The following ADAMTS16 variants were observed in gnomAD, a reference collection of about 807,000 sequenced individuals.
ADAMTS16 encodes the protein ADAM metallopeptidase with thrombospondin type 1 motif 16, also known as A disintegrin and metalloproteinase with thrombospondin motifs 16.
ADAMTS16 carries 94 observed loss-of-function variants against 145.8 expected under a neutral mutation model. The ratio of observed to expected loss-of-function variants is 0.64; its 90% CI spans 0.55 to 0.77. The LOEUF is 0.77. Ranked by LOEUF, ADAMTS16 falls within the 30% of genes least tolerant of loss-of-function variation. ADAMTS16 has a pLI of 0.00. For synonymous variants in ADAMTS16, 659 were observed against 604.3 expected, an observed-to-expected ratio of 1.09 and a Z score of -1.33; for missense variants, 1,585 against 1,591.5, an observed-to-expected ratio of 1.00 and a Z score of 0.07.
In ADAMTS16 at chr5:5,306,433, A is replaced by G. The variant is rs1327087020; in HGVS notation, c.3187-71A>G. On this transcript the variant is annotated intron_variant, in intron 20 of 22. Transcript: ENST00000274181. ...ATAAATGTTCAAGCAGATATCTCTG[A>G]TATTTTAACCCACAGATTTTGCAAA... 3.0e-6 allele frequency: 4 copies of G among 1,340,372 alleles called. No individual in the cohort carries two copies. The African/African-American group carries it at 5.8e-5, about 20-fold the overall frequency. The allele number at this position is 1,340,372 out of a possible 1,614,324, so 83.0% of individuals were successfully genotyped here.
chr5:5,305,063 CCACA>C lies in ADAMTS16; in HGVS notation c.3186+1312_3186+1315del, dbSNP rs746089868. Among the ~76,000 whole-genome samples, 486 of 51,232 alleles carry C rather than the reference CCACA, an allele frequency of 9.5e-3. 28 individuals are homozygous for C. The highest frequency in any genetic ancestry group is 0.035 in the African/African-American group (465 of 13,316). 33.6% of individuals were successfully genotyped at this position (51,232 alleles called of 152,430 possible). A position where few individuals can be genotyped will look rare whatever the true frequency, so the allele number is the denominator to read the frequency against. ...CCACACCACACACACACATCCCACA[CCACA>C]CACACACACACACATCCCACACCAC... On this transcript the variant is annotated intron_variant, in intron 20 of 22. Transcript: ENST00000274181.
At position 5,190,008 on chromosome 5, in the gene ADAMTS16, T is replaced by G; in HGVS notation, c.1085T>G (p.Leu362Ter). Residue 362 changes from leucine (L) to a stop codon, truncating the protein, a stop_gained, in exon 7 of 23, where the codon TTA becomes TGA. Coordinates refer to ENST00000274181, the MANE Select transcript of ADAMTS16 (RefSeq NM_139056.4). LOFTEE classifies it high-confidence loss of function. ...LVISHHADHT[L>*]SSFCQWQSGL... is the part of the protein sequence containing the mutation. Reference sequence around the variant, plus strand: ...ATAAGTCACCACGCAGACCACACCTTAAGTAGCTTCTGCCAGTGGCAGTCT... The same window carrying G: ...ATAAGTCACCACGCAGACCACACCTGAAGTAGCTTCTGCCAGTGGCAGTCT... 2 of 1,612,586 alleles carry G rather than the reference T, an allele frequency of 1.2e-6. No homozygotes were observed. Among genetic ancestry groups the G allele is most frequent in the Non-Finnish European group, 1.7e-6 (2 of 1,179,404 alleles).
intron 21 of ADAMTS16, 103 bp from the exon 22 acceptor site, chr5:5,318,031 A>C (rs1734123795): frequency 1.3e-5 from 16 of 1,231,708 alleles, no homozygotes; most frequent in Non-Finnish European, 1.7e-5. Context: ...CTCTTCCCTC[A>C]CTGGCCTGCA....
At chr5:5,286,857 C>CAAA (rs1158555676) in intron 18 of ADAMTS16, among the ~76,000 whole-genome samples, 266 of 22,116 alleles carry the variant, frequency 0.012, 16 homozygotes, top group African/African-American at 0.029. Context: ...GACTCCGTCT[C>CAAA]AAAAAAAAAA....
In ADAMTS16 at chr5:5,251,253, A is replaced by G. The variant is rs149254578; in HGVS notation, c.2662+9062A>G. On this transcript the variant is annotated intron_variant, in intron 17 of 22. Transcript: ENST00000274181. ...TCCATGCACAGCTCTGCAAATGCAT[A>G]CCTTCCTAGTGATCAGCTTTTTCTA... Among the ~76,000 whole-genome samples, 361 of 152,276 alleles carry G rather than the reference A, an allele frequency of 2.4e-3. 2 individuals are homozygous for G. Among genetic ancestry groups the G allele is most frequent in the African/African-American group, 8.2e-3 (342 of 41,552 alleles).
intron 18 of ADAMTS16, among the ~76,000 whole-genome samples, chr5:5,267,182 G>A (rs964319362): frequency 6.6e-5 from 10 of 152,262 alleles, no homozygotes; most frequent in African/African-American, 1.4e-4. Flanking sequence ...GTGGGGCTCC[G>A]ACCCCACAGC....
chr5:5,229,714 A>T (rs1736871122), intron 11 of ADAMTS16, among the ~76,000 whole-genome samples: 3 of 152,208 alleles, frequency 2.0e-5, no homozygotes, highest in Admixed American at 2.0e-4. Flanking sequence ...TTTCTTTATC[A>T]TTTAGAGAAA....
At chr5:5,181,859 G>A (rs1485188911) in intron 3 of ADAMTS16, among the ~76,000 whole-genome samples, 185 bp from the exon 4 acceptor site, 2 of 152,170 alleles carry the variant, frequency 1.3e-5, no homozygotes, top group Non-Finnish European at 1.5e-5. Flanking sequence ...CTCAGACTGT[G>A]TGTGGAGGCC....
At chr5:5,276,306 A>G (rs1268209821) in intron 18 of ADAMTS16, among the ~76,000 whole-genome samples, 1 of 152,146 alleles carries the variant, frequency 6.6e-6, no homozygotes, top group Admixed American at 6.5e-5. Flanking sequence ...GCTCATTTCT[A>G]ACGAATCTGT....
chr5:5,286,242 T>G (rs1014547727), intron 18 of ADAMTS16, among the ~76,000 whole-genome samples: 3 of 152,252 alleles, frequency 2.0e-5, no homozygotes, highest in African/African-American at 7.2e-5. Context: ...TTCTGATGTC[T>G]GTATTTATAT....
At chr5:5,174,628 T>C (rs1327246530) in intron 3 of ADAMTS16, among the ~76,000 whole-genome samples, 1 of 152,200 alleles carries the variant, frequency 6.6e-6, no homozygotes, top group Non-Finnish European at 1.5e-5. Flanking sequence ...GCATGCTTCA[T>C]TCTTTTTTAT....
chr5:5,182,871 G>T (rs1735380289), intron 4 of ADAMTS16, among the ~76,000 whole-genome samples: 1 of 152,156 alleles, frequency 6.6e-6, no homozygotes, highest in Non-Finnish European at 1.5e-5. Context: ...GAAGTTGGGT[G>T]CTTTCTGGAA....
intron 11 of ADAMTS16, among the ~76,000 whole-genome samples, chr5:5,224,778 A>G (rs1736709868): frequency 6.6e-6 from 1 of 152,186 alleles, no homozygotes; most frequent in African/African-American, 2.4e-5. Flanking sequence ...TTAAAAGACC[A>G]ACAGCCTTTC....
At chr5:5,263,435 G>A (rs113436986) in intron 18 of ADAMTS16, among the ~76,000 whole-genome samples, 2 of 152,216 alleles carry the variant, frequency 1.3e-5, no homozygotes, top group Non-Finnish European at 1.5e-5. Flanking sequence ...TCTTTACATG[G>A]GACATGTCAC....
intron 18 of ADAMTS16, among the ~76,000 whole-genome samples, chr5:5,279,193 C>T (rs1180934907): frequency 6.6e-6 from 1 of 152,184 alleles, no homozygotes; most frequent in African/African-American, 2.4e-5. Context: ...GCTGAACACC[C>T]TGTTTGTGGA....
intron 3 of ADAMTS16, among the ~76,000 whole-genome samples, chr5:5,170,713 T>TG: frequency 6.6e-6 from 1 of 152,188 alleles, no homozygotes; most frequent in East Asian, 1.9e-4. Flanking sequence ...CTTAGATTTT[T>TG]TTTTTTCCTG....
intron 18 of ADAMTS16, among the ~76,000 whole-genome samples, chr5:5,275,264 A>C (rs895340057): frequency 6.6e-6 from 1 of 152,032 alleles, no homozygotes; most frequent in Non-Finnish European, 1.5e-5. Flanking sequence ...TTCAGGGTAC[A>C]TTTTTTTCTG....
intron 3 of ADAMTS16, among the ~76,000 whole-genome samples, chr5:5,150,244 A>G (rs1022887187): frequency 2.6e-5 from 4 of 152,202 alleles, no homozygotes; most frequent in African/African-American, 9.7e-5. Flanking sequence ...ACGAAGTAGT[A>G]TCCTTTGTGG....
intron 14 of ADAMTS16, among the ~76,000 whole-genome samples, chr5:5,238,724 A>C (rs1386867221): frequency 6.6e-6 from 1 of 152,222 alleles, no homozygotes; most frequent in Non-Finnish European, 1.5e-5. Flanking sequence ...ACTACTGAGG[A>C]GAATTTCTGT....
Sources: allele counts gnomAD v4.1 joint callset (sites outside exome capture counted in the v4.1 genomes callset), GRCh38; gene constraint gnomAD v4.1.1; transcripts MANE v1.5; gene names NCBI Gene and HGNC (gene_info 2026-07-23, HGNC 2026-07-21).